The following ENTREP2 variants were observed in gnomAD, a reference collection of about 807,000 sequenced individuals.
ENTREP2 encodes the protein protein ENTREP2.
the ENTREP2 span, among the ~76,000 whole-genome samples, chr15:29,382,986 G>A: frequency 6.6e-6 from 1 of 152,014 alleles, no homozygotes; most frequent in South Asian, 2.1e-4. Flanking sequence ...GGCTCCTGTG[G>A]CTTCTCACTC....
chr15:29,639,045 T>C, the ENTREP2 span, among the ~76,000 whole-genome samples: 1 of 152,366 alleles, frequency 6.6e-6, no homozygotes, highest in Non-Finnish European at 1.5e-5. Context: ...TGAGACTTTG[T>C]TGGGATGCTA....
At chr15:29,403,778 G>A in the ENTREP2 span, among the ~76,000 whole-genome samples, 1 of 152,148 alleles carries the variant, frequency 6.6e-6, no homozygotes, top group African/African-American at 2.4e-5. Flanking sequence ...TCCTGACTTA[G>A]CCCCAAAGCA....
chr15:29,653,671 C>A, the ENTREP2 span, among the ~76,000 whole-genome samples: 1 of 152,196 alleles, frequency 6.6e-6, no homozygotes, highest in Non-Finnish European at 1.5e-5. Context: ...TTCCTGAGGC[C>A]TCCCCAGCCA....
At chr15:29,438,210 T>C in the ENTREP2 span, among the ~76,000 whole-genome samples, 1 of 152,052 alleles carries the variant, frequency 6.6e-6, no homozygotes, top group Non-Finnish European at 1.5e-5. Context: ...ATCACAGAAA[T>C]AATGAAGGGG....
At chr15:29,318,505 A>G in the ENTREP2 span, among the ~76,000 whole-genome samples, 7 of 152,226 alleles carry the variant, frequency 4.6e-5, no homozygotes, top group African/African-American at 1.7e-4. Context: ...TATTTTTAGT[A>G]GAGACGGGGT....
At chr15:29,567,048 G>C in the ENTREP2 span, among the ~76,000 whole-genome samples, 1 of 152,152 alleles carries the variant, frequency 6.6e-6, no homozygotes, top group Admixed American at 6.5e-5. Context: ...AGCTCTCTTA[G>C]TCTTCTAAAC....
chr15:29,391,572 G>A, the ENTREP2 span, among the ~76,000 whole-genome samples: 1 of 152,104 alleles, frequency 6.6e-6, no homozygotes, highest in African/African-American at 2.4e-5. Flanking sequence ...CTGTTCTGAT[G>A]CAATGCATGC....
At chr15:29,595,177 T>C in the ENTREP2 span, among the ~76,000 whole-genome samples, 8 of 151,282 alleles carry the variant, frequency 5.3e-5, no homozygotes, top group African/African-American at 1.9e-4. Context: ...CTCTTGAACC[T>C]GGGAGGCGGA....
chr15:29,663,064 C>G, the ENTREP2 span, among the ~76,000 whole-genome samples: 2 of 152,144 alleles, frequency 1.3e-5, no homozygotes, highest in Non-Finnish European at 2.9e-5. Flanking sequence ...CCCAGCCCAG[C>G]TGAGCTCTGT....
the ENTREP2 span, among the ~76,000 whole-genome samples, chr15:29,473,698 T>G: frequency 8.5e-5 from 13 of 152,186 alleles, no homozygotes; most frequent in African/African-American, 2.9e-4. Flanking sequence ...CTACTCTATG[T>G]CACGTCAATA....
chr15:29,208,054 G>A, the ENTREP2 span, among the ~76,000 whole-genome samples: 1 of 152,094 alleles, frequency 6.6e-6, no homozygotes, highest in African/African-American at 2.4e-5. Flanking sequence ...ACAAATGCCG[G>A]GACTTCTGAG....
chr15:29,199,650 T>G, the ENTREP2 span, among the ~76,000 whole-genome samples: 1 of 152,238 alleles, frequency 6.6e-6, no homozygotes, highest in Non-Finnish European at 1.5e-5. Flanking sequence ...ATGGTTTTGT[T>G]ATATATGCGG....
the ENTREP2 span, among the ~76,000 whole-genome samples, chr15:29,295,962 A>G: frequency 6.6e-6 from 1 of 152,210 alleles, no homozygotes; most frequent in African/African-American, 2.4e-5. Flanking sequence ...TGTATAAAAA[A>G]CTTTGAAACC....
At chr15:29,367,265 T>C in the ENTREP2 span, among the ~76,000 whole-genome samples, 1 of 152,138 alleles carries the variant, frequency 6.6e-6, no homozygotes, top group Non-Finnish European at 1.5e-5. Flanking sequence ...TGGAAGCCAC[T>C]TGAGGGAAGG....
the ENTREP2 span, among the ~76,000 whole-genome samples, chr15:29,310,132 G>A: frequency 6.6e-6 from 1 of 152,134 alleles, no homozygotes. Flanking sequence ...GAAAGGGGGG[G>A]CAGGACAGAA....
At chr15:29,535,348 A>G in the ENTREP2 span, among the ~76,000 whole-genome samples, 3 of 152,074 alleles carry the variant, frequency 2.0e-5, no homozygotes, top group African/African-American at 7.2e-5. Context: ...TTTGTATAAT[A>G]AAATGGTGTG....
chr15:29,488,059 A>T, the ENTREP2 span, among the ~76,000 whole-genome samples: 1 of 152,202 alleles, frequency 6.6e-6, no homozygotes. Context: ...CATTCACATA[A>T]GAAATTAACA....
the ENTREP2 span, among the ~76,000 whole-genome samples, chr15:29,479,876 T>C: frequency 6.6e-6 from 1 of 151,712 alleles, no homozygotes; most frequent in Non-Finnish European, 1.5e-5. Context: ...GGCCATGAGG[T>C]AGAGGCTGTC....
chr15:29,180,842 T>C, the ENTREP2 span, among the ~76,000 whole-genome samples: 1 of 151,778 alleles, frequency 6.6e-6, no homozygotes, highest in Admixed American at 6.6e-5. Flanking sequence ...ACATCAAAAC[T>C]TAGCGTATGC....
Sources: gnomAD v4.1 joint callset for allele counts (sites outside exome capture counted in the v4.1 genomes callset) on GRCh38, gnomAD v4.1.1 for gene constraint, MANE v1.5 for transcripts, NCBI Gene and HGNC (gene_info 2026-07-23, HGNC 2026-07-21) for gene names.